The following MAML3 variants were observed in gnomAD, a reference collection of about 807,000 sequenced individuals.
MAML3 encodes the protein mastermind-like protein 3.
Under a neutral mutation model 101.9 loss-of-function variants are expected in MAML3, and 27 were observed. That is an observed-to-expected ratio of 0.27 (90% CI 0.20 to 0.37). The LOEUF (loss-of-function observed/expected upper bound fraction) is 0.37. Among genes scored for constraint, MAML3 ranks in the 10% least tolerant of loss-of-function variants. MAML3 has a pLI of 1.00. For missense variants in MAML3, 1,316 were observed against 1,444.9 expected (o/e 0.91, Z 1.45); for synonymous variants, 501 against 555.9 (o/e 0.90, Z 1.39).
chr4:139,814,700 C>T (rs112790925), intron 2 of MAML3, among the ~76,000 whole-genome samples: 5 of 152,108 alleles, frequency 3.3e-5, no homozygotes, highest in Non-Finnish European at 7.4e-5. Flanking sequence ...GTAGGCAATG[C>T]TGATAATGTA....
intron 1 of MAML3, among the ~76,000 whole-genome samples, chr4:140,051,442 A>C (rs1420672547): frequency 2.0e-5 from 3 of 152,104 alleles, no homozygotes; most frequent in African/African-American, 4.8e-5. Context: ...CTGTAATCCC[A>C]GCTACTTGGG....
chr4:139,962,565 ACT>A (rs1235313916), intron 1 of MAML3, among the ~76,000 whole-genome samples: 3 of 152,318 alleles, frequency 2.0e-5, no homozygotes, highest in Non-Finnish European at 4.4e-5. Flanking sequence ...TAGCCAGGAA[ACT>A]CTGCCAATCT....
At chr4:139,843,667 AGAAAT>A (rs1365693255) in intron 2 of MAML3, among the ~76,000 whole-genome samples, 1 of 152,240 alleles carries the variant, frequency 6.6e-6, no homozygotes, top group Non-Finnish European at 1.5e-5. Context: ...GGGTTTCTCT[AGAAAT>A]GACTCCTGAA....
At chr4:139,927,713 G>A (rs577545467) in intron 1 of MAML3, among the ~76,000 whole-genome samples, 2 of 148,550 alleles carry the variant, frequency 1.3e-5, no homozygotes, top group Non-Finnish European at 3.0e-5. Context: ...TTTTTATCTT[G>A]CTGCTCAAAT....
intron 1 of MAML3, among the ~76,000 whole-genome samples, chr4:140,091,733 C>G (rs914305248): frequency 3.3e-5 from 5 of 151,970 alleles, no homozygotes; most frequent in South Asian, 2.1e-4. Flanking sequence ...TTTGTTTAGT[C>G]TACTTATCAA....
chr4:139,889,548 G>A lies in MAML3; in HGVS notation c.1888C>T (p.Pro630Ser), dbSNP rs547475675. ...VANPNKNPLM[P>S]YIQQQQQQQQ... ...TGCTGTTGCTGCTGCTGGATATACGGCATCAAGGGGTTTTTGTTGGGGTTG... is the reference window on the plus strand; with the variant it reads ...TGCTGTTGCTGCTGCTGGATATACGACATCAAGGGGTTTTTGTTGGGGTTG... The change falls in exon 2 of 5, where the codon CCG becomes TCG. Residue 630 changes from proline (P) to serine (S), a missense_variant. Coordinates refer to ENST00000509479, the MANE Select transcript of MAML3 (RefSeq NM_018717.5). 4.8e-5 allele frequency: 78 copies of A among 1,613,914 alleles called. No homozygotes were observed. The South Asian group carries it at 8.1e-4, about 17-fold the overall frequency.
At chr4:140,075,479 T>C (rs1372925797) in intron 1 of MAML3, among the ~76,000 whole-genome samples, 1 of 152,240 alleles carries the variant, frequency 6.6e-6, no homozygotes, top group African/African-American at 2.4e-5. Context: ...AGAACATATA[T>C]GTATGTGCAC....
At chr4:139,920,359 C>T (rs1733103371) in intron 1 of MAML3, among the ~76,000 whole-genome samples, 1 of 152,128 alleles carries the variant, frequency 6.6e-6, no homozygotes, top group African/African-American at 2.4e-5. Context: ...CTTACTGAGC[C>T]CAGGACTGGC....
At chr4:139,850,357 G>C (rs982366217) in intron 2 of MAML3, among the ~76,000 whole-genome samples, 2 of 152,104 alleles carry the variant, frequency 1.3e-5, no homozygotes, top group African/African-American at 4.8e-5. Context: ...GATCTGCCAG[G>C]ACCTTCCTGG....
intron 2 of MAML3, among the ~76,000 whole-genome samples, chr4:139,856,337 A>G (rs1002126443): frequency 2.0e-5 from 3 of 152,252 alleles, no homozygotes; most frequent in African/African-American, 7.2e-5. Context: ...AAATGGAGAC[A>G]GAGGAGAGAA....
intron 1 of MAML3, among the ~76,000 whole-genome samples, chr4:139,894,516 AAAGAAAGAAAG>A (rs1380687199): frequency 2.8e-4 from 18 of 63,596 alleles, no homozygotes; most frequent in Non-Finnish European, 4.6e-4. Context: ...CTTAAAAAAG[AAAGAAAGAAAG>A]AAAGAAAGAA....
chr4:139,907,660 G>A (rs1024323791), intron 1 of MAML3, among the ~76,000 whole-genome samples: 1 of 152,192 alleles, frequency 6.6e-6, no homozygotes, highest in Non-Finnish European at 1.5e-5. Flanking sequence ...GGATGCAAAA[G>A]ATGCACAAGT....
intron 1 of MAML3, among the ~76,000 whole-genome samples, chr4:139,905,450 C>T (rs1413690489): frequency 1.5e-5 from 2 of 137,538 alleles, no homozygotes; most frequent in Non-Finnish European, 3.1e-5. Context: ...CGAGATCATG[C>T]CATTGCACTC....
chr4:140,065,776 G>GATT (rs1727525833), intron 1 of MAML3, among the ~76,000 whole-genome samples: 1 of 152,134 alleles, frequency 6.6e-6, no homozygotes, highest in Admixed American at 6.6e-5. Context: ...ATCCATGTGA[G>GATT]ATTATTCTCA....
chr4:140,021,088 G>A (rs909862386), intron 1 of MAML3, among the ~76,000 whole-genome samples: 2 of 152,130 alleles, frequency 1.3e-5, no homozygotes, highest in African/African-American at 4.8e-5. Flanking sequence ...TAGACAATAC[G>A]TGGAGAAAAG....
intron 1 of MAML3, among the ~76,000 whole-genome samples, chr4:140,028,589 T>C (rs188247553): frequency 1.3e-5 from 2 of 152,302 alleles, no homozygotes; most frequent in East Asian, 1.9e-4. Context: ...TGTTTTCTTC[T>C]TTTTTTAATG....
In MAML3 at chr4:139,720,244, G is replaced by A. The variant is rs371995834; in HGVS notation, c.2496C>T (p.Asn832=). The change falls in exon 5 of 5, where the codon AAC becomes AAT. Residue 832 remains asparagine, a synonymous_variant. Transcript: ENST00000509479. Reference sequence around the variant, plus strand: ...AGGGTCCTATTCCCATCATGCCTGCGTTCTGTGCCATCAGCCGTGACGTTC... The same window carrying A: ...AGGGTCCTATTCCCATCATGCCTGCATTCTGTGCCATCAGCCGTGACGTTC... ...SMRTSRLMAQ[N]AGMMGIGPSQ... The A allele has an allele frequency of 1.9e-5, 30 of 1,605,460 alleles. No homozygotes were observed. Among genetic ancestry groups the A allele is most frequent in the East Asian group, 4.5e-5 (2 of 44,746 alleles).
chr4:139,959,648 A>G (rs1733975170), intron 1 of MAML3, among the ~76,000 whole-genome samples: 1 of 152,320 alleles, frequency 6.6e-6, no homozygotes, highest in East Asian at 1.9e-4. Context: ...AAGGAAGTGA[A>G]CAGCTTACCT....
At chr4:139,958,447 TG>T (rs2110770128) in intron 1 of MAML3, among the ~76,000 whole-genome samples, 1 of 152,322 alleles carries the variant, frequency 6.6e-6, no homozygotes, top group South Asian at 2.1e-4. Flanking sequence ...GCAGGAAAGA[TG>T]AGACAGATAG....
Sources: allele counts gnomAD v4.1 joint callset (sites outside exome capture counted in the v4.1 genomes callset), GRCh38; gene constraint gnomAD v4.1.1; transcripts MANE v1.5; gene names NCBI Gene and HGNC (gene_info 2026-07-23, HGNC 2026-07-21).